Variants in LINGO2 observed in about 807,000 individuals in gnomAD.
LINGO2 encodes leucine-rich repeat and immunoglobulin-like domain-containing nogo receptor-interacting protein 2.
A neutral mutation model predicts 30.6 loss-of-function variants in LINGO2; 14 were observed. That is an observed-to-expected ratio of 0.46 (90% CI 0.30 to 0.72). The LOEUF (loss-of-function observed/expected upper bound fraction) is 0.72. LINGO2 is among the 30% of genes least tolerant of loss of function. The probability of loss-of-function intolerance (pLI) is 0.07; values close to 1 mark genes in which losing one functional copy is unlikely to be tolerated. For synonymous variants in LINGO2, 317 were observed against 288.5 expected, an observed-to-expected ratio of 1.10 and a Z score of -1.00; for missense variants, 729 against 751.7, an observed-to-expected ratio of 0.97 and a Z score of 0.35.
chr9:29,030,707 A>G, the LINGO2 span, among the ~76,000 whole-genome samples: 1 of 152,178 alleles, frequency 6.6e-6, no homozygotes, highest in Non-Finnish European at 1.5e-5. Flanking sequence ...TACTCAGAGA[A>G]GTATCTACAG....
chr9:28,726,090 T>G, the LINGO2 span, among the ~76,000 whole-genome samples: 1 of 152,192 alleles, frequency 6.6e-6, no homozygotes, highest in South Asian at 2.1e-4. Flanking sequence ...ATTGACTATA[T>G]TAGACAATAA....
chr9:27,947,921 A>C (rs1823430264), downstream of LINGO2, among the ~76,000 whole-genome samples: 1 of 152,190 alleles, frequency 6.6e-6, no homozygotes, highest in Admixed American at 6.5e-5. Flanking sequence ...TGGAAAGTAA[A>C]ATCAAGGAGT....
intron 4 of LINGO2, among the ~76,000 whole-genome samples, chr9:28,201,303 C>T (rs1820225653): frequency 6.9e-6 from 1 of 144,332 alleles, no homozygotes; most frequent in African/African-American, 2.6e-5. Context: ...TGTTCAATTC[C>T]CACCTATGAG....
intron 1 of LINGO2, among the ~76,000 whole-genome samples, chr9:28,529,008 A>G (rs1821130066): frequency 6.6e-6 from 1 of 152,116 alleles, no homozygotes; most frequent in East Asian, 1.9e-4. Flanking sequence ...TTCTTCCTAG[A>G]CTTAACCTGA....
chr9:28,433,480 C>A (rs1336676966), intron 2 of LINGO2, among the ~76,000 whole-genome samples: 2 of 152,052 alleles, frequency 1.3e-5, no homozygotes, highest in African/African-American at 4.8e-5. Flanking sequence ...ACCTCAAAGC[C>A]TAGGATAGTG....
intron 2 of LINGO2, among the ~76,000 whole-genome samples, chr9:28,425,906 A>G (rs1186615252): frequency 6.6e-6 from 1 of 151,990 alleles, no homozygotes; most frequent in African/African-American, 2.4e-5. Context: ...ATGTAGATAA[A>G]TTACTTTCTT....
At chr9:28,399,782 G>T (rs996497346) in intron 2 of LINGO2, among the ~76,000 whole-genome samples, 2 of 152,084 alleles carry the variant, frequency 1.3e-5, no homozygotes, top group African/African-American at 4.8e-5. Flanking sequence ...TAAATTATGG[G>T]ATTTGATTTA....
intron 4 of LINGO2, among the ~76,000 whole-genome samples, chr9:28,206,567 A>G (rs190820340): frequency 5.2e-4 from 79 of 152,164 alleles, no homozygotes; most frequent in Non-Finnish European, 1.1e-3. Context: ...TTTAATTTTT[A>G]TCTATGGTTT....
At chr9:29,175,068 G>A in the LINGO2 span, among the ~76,000 whole-genome samples, 1 of 152,110 alleles carries the variant, frequency 6.6e-6, no homozygotes, top group Non-Finnish European at 1.5e-5. Context: ...AGACCATCCT[G>A]ACCAACATGA....
chr9:28,098,195 C>T (rs754049979), intron 4 of LINGO2, among the ~76,000 whole-genome samples: 2 of 152,078 alleles, frequency 1.3e-5, no homozygotes, highest in Non-Finnish European at 2.9e-5. Context: ...GTCCCAGCTA[C>T]TAGGGAGGCT....
intron 4 of LINGO2, among the ~76,000 whole-genome samples, chr9:28,098,246 A>G (rs1303781635): frequency 3.3e-5 from 5 of 152,086 alleles, no homozygotes; most frequent in Middle Eastern, 3.2e-3. Context: ...CTGAGGTTGC[A>G]GTGAGCTGAG....
chr9:28,446,816 G>A (rs1021883620), intron 2 of LINGO2, among the ~76,000 whole-genome samples: 1 of 152,176 alleles, frequency 6.6e-6, no homozygotes, highest in African/African-American at 2.4e-5. Context: ...TAGGCTTTCT[G>A]CCTTCCCATT....
the LINGO2 span, among the ~76,000 whole-genome samples, chr9:29,120,062 T>C: frequency 6.6e-6 from 1 of 152,124 alleles, no homozygotes; most frequent in Non-Finnish European, 1.5e-5. Context: ...CTTTGCCTTT[T>C]AGTCCTGTCA....
chr9:29,046,022 G>C, the LINGO2 span, among the ~76,000 whole-genome samples: 2 of 152,066 alleles, frequency 1.3e-5, no homozygotes, highest in African/African-American at 4.8e-5. Context: ...TTATCAGCTA[G>C]AGGAGCTTTC....
At chr9:28,780,673 C>A in the LINGO2 span, among the ~76,000 whole-genome samples, 80,229 of 151,838 alleles carry the variant, frequency 0.53, 22,837 homozygotes, top group African/African-American at 0.77. Flanking sequence ...TTGTGTATTA[C>A]TTTTAAGGGA....
At chr9:28,439,271 A>ATG (rs1824092033) in intron 2 of LINGO2, among the ~76,000 whole-genome samples, 1 of 150,990 alleles carries the variant, frequency 6.6e-6, no homozygotes, top group African/African-American at 2.4e-5. Flanking sequence ...ATATGTATAT[A>ATG]TATGTGTGTG....
At position 27,949,191 on chromosome 9, in the gene LINGO2, A is replaced by C. The variant is rs141466894; in HGVS notation, c.1481T>G (p.Phe494Cys). The stretch of plus-strand genomic sequence containing the variant: ...TCCTTTCACAGTTAAGGAGGCTGTG[A>C]AGGTATCATTCCCAGCAGCATTGCT... Residue 494 changes from phenylalanine to cysteine, a missense_variant, in exon 6 of 6, where the codon TTC (phenylalanine) becomes TGC (cysteine). Phe to Cys is a radical substitution (Grantham distance 205). Transcript: ENST00000379992. 5.6e-6 allele frequency: 9 copies of C among 1,613,986 alleles called. No individual in the cohort carries two copies. Among genetic ancestry groups the C allele is most frequent in the Non-Finnish European group, 7.6e-6 (9 of 1,180,012 alleles).
chr9:28,121,406 ACACAGG>A, intron 4 of LINGO2, among the ~76,000 whole-genome samples: 1 of 152,318 alleles, frequency 6.6e-6, no homozygotes, highest in Admixed American at 6.5e-5. Context: ...CTTTATTGTT[ACACAGG>A]AATTTTATCT....
chr9:28,570,316 T>C (rs1036009373), intron 1 of LINGO2, among the ~76,000 whole-genome samples: 1 of 151,994 alleles, frequency 6.6e-6, no homozygotes, highest in Non-Finnish European at 1.5e-5. Context: ...CATGTTAACA[T>C]TTGTTTTTCT....
Sources: gnomAD v4.1 joint callset for allele counts (sites outside exome capture counted in the v4.1 genomes callset) on GRCh38, gnomAD v4.1.1 for gene constraint, MANE v1.5 for transcripts, NCBI Gene and HGNC (gene_info 2026-07-23, HGNC 2026-07-21) for gene names.